Variants in NRG1 observed in about 807,000 individuals in gnomAD.
NRG1 encodes the protein pro-neuregulin-1, membrane-bound isoform.
In NRG1, 18 loss-of-function variants were observed where a neutral mutation model predicts 63.8. The observed-to-expected ratio is 0.28, with a 90% CI of 0.19 to 0.42. NRG1 has a LOEUF of 0.42. NRG1 is among the 10% of genes least tolerant of loss of function. The pLI, the probability that NRG1 is intolerant of heterozygous loss-of-function variation, is 1.00. For synonymous variants in NRG1, 302 were observed against 301.3 expected, an observed-to-expected ratio of 1.00 and a Z score of -0.02; for missense variants, 762 against 814.7, an observed-to-expected ratio of 0.94 and a Z score of 0.79.
chr8:32,416,136 C>G (rs1815878560), intron 1 of NRG1, among the ~76,000 whole-genome samples: 1 of 152,212 alleles, frequency 6.6e-6, no homozygotes, highest in South Asian at 2.1e-4. Flanking sequence ...TATGTTTGCA[C>G]TTTAAGCCTC....
At chr8:31,976,430 A>G (rs1425285114) in intron 1 of NRG1, among the ~76,000 whole-genome samples, 1 of 152,154 alleles carries the variant, frequency 6.6e-6, no homozygotes, top group Non-Finnish European at 1.5e-5. Flanking sequence ...GTTCAGTGAC[A>G]TGGACCCTCA....
intron 1 of NRG1, among the ~76,000 whole-genome samples, chr8:31,879,036 G>T (rs1830145522): frequency 1.3e-5 from 2 of 152,036 alleles, no homozygotes; most frequent in South Asian, 4.1e-4. Context: ...AAAGGAAGTG[G>T]CATCCCATTA....
At chr8:32,192,013 G>C (rs572138329) in intron 1 of NRG1, 20 of 152,430 alleles carry the variant, frequency 1.3e-4, no homozygotes, top group African/African-American at 4.6e-4. Flanking sequence ...GCTCTGGTCT[G>C]TCATAGGTAC....
At chr8:31,714,042 T>C (rs1314423924) in intron 1 of NRG1, among the ~76,000 whole-genome samples, 1 of 488 alleles carries the variant, frequency 2.0e-3, no homozygotes, top group African/African-American at 2.1e-3. Flanking sequence ...CCTCCCAAAG[T>C]GCTGGGATTA....
intron 1 of NRG1, among the ~76,000 whole-genome samples, chr8:32,237,383 A>G (rs2129469438): frequency 6.6e-6 from 1 of 152,274 alleles, no homozygotes; most frequent in South Asian, 2.1e-4. Context: ...AACATAATGA[A>G]AACCAGAGAA....
At chr8:31,972,749 C>G (rs1195156808) in intron 1 of NRG1, among the ~76,000 whole-genome samples, 2 of 152,142 alleles carry the variant, frequency 1.3e-5, no homozygotes, top group African/African-American at 4.8e-5. Context: ...AATGGACTCA[C>G]TCATTCATAC....
intron 1 of NRG1, among the ~76,000 whole-genome samples, chr8:31,806,582 A>G (rs1822309372): frequency 6.6e-6 from 1 of 152,160 alleles, no homozygotes; most frequent in Non-Finnish European, 1.5e-5. Context: ...AACTGCATTT[A>G]TTGCATTGAT....
intron 5 of NRG1, among the ~76,000 whole-genome samples, chr8:32,637,314 T>G (rs1851520850): frequency 6.6e-6 from 1 of 152,144 alleles, no homozygotes; most frequent in African/African-American, 2.4e-5. Context: ...ATATATATTT[T>G]ATTACATTGT....
chr8:31,845,823 T>C (rs79508003), intron 1 of NRG1, among the ~76,000 whole-genome samples: 4 of 152,344 alleles, frequency 2.6e-5, no homozygotes, highest in East Asian at 3.9e-4. Flanking sequence ...GATTTTAATG[T>C]TGAAGTTCTA....
intron 1 of NRG1, among the ~76,000 whole-genome samples, chr8:32,243,633 G>A (rs1198189070): frequency 6.6e-6 from 1 of 152,022 alleles, no homozygotes; most frequent in African/African-American, 2.4e-5. Flanking sequence ...GTCATGCTGA[G>A]GTATGAACCA....
intron 1 of NRG1, among the ~76,000 whole-genome samples, chr8:32,048,211 G>A (rs146634042): frequency 6.6e-6 from 1 of 151,044 alleles, no homozygotes. Context: ...CAGTAAACAC[G>A]GTAAACACGG....
At chr8:32,161,634 C>G (rs1188816970) in intron 1 of NRG1, among the ~76,000 whole-genome samples, 2 of 151,634 alleles carry the variant, frequency 1.3e-5, no homozygotes, top group Non-Finnish European at 2.9e-5. Flanking sequence ...CCCTCCCAAT[C>G]TCAGTGTTTT....
chr8:32,262,979 C>T (rs1047633449), intron 1 of NRG1, among the ~76,000 whole-genome samples: 2 of 152,130 alleles, frequency 1.3e-5, no homozygotes, highest in Non-Finnish European at 2.9e-5. Context: ...TAAGCTTGCA[C>T]GTGGTACCTT....
intron 5 of NRG1, among the ~76,000 whole-genome samples, chr8:32,631,034 G>A (rs1044810893): frequency 4.6e-5 from 7 of 151,998 alleles, no homozygotes; most frequent in Admixed American, 2.0e-4. Flanking sequence ...CAGTAGTATG[G>A]ATTTCTAAAC....
intron 1 of NRG1, among the ~76,000 whole-genome samples, chr8:31,809,185 T>C (rs1342485338): frequency 6.6e-6 from 1 of 151,836 alleles, no homozygotes; most frequent in Non-Finnish European, 1.5e-5. Flanking sequence ...TGAGATATTT[T>C]GGAATTTGCT....
chr8:31,892,183 C>A (rs1831199359), intron 1 of NRG1, among the ~76,000 whole-genome samples: 1 of 152,160 alleles, frequency 6.6e-6, no homozygotes, highest in Non-Finnish European at 1.5e-5. Context: ...TGAATTTACA[C>A]TGATCTCTAA....
rs181923067 is a variant in NRG1, at chr8:32,699,742, T to C, written c.503-28207T>C. 1.3e-3 allele frequency among the ~76,000 whole-genome samples: 205 copies of C among 152,270 alleles called. 1 individual carries two copies. The highest frequency in any genetic ancestry group is 4.7e-3 in the African/African-American group (195 of 41,546). On this transcript the variant is annotated intron_variant, in intron 5 of 11. Transcript: ENST00000356819. ...TTGAGCCATCTTTTCTCTAGAAACATGCTAATATTACAGATGGTTCAAATG... is the reference window on the plus strand; with the variant it reads ...TTGAGCCATCTTTTCTCTAGAAACACGCTAATATTACAGATGGTTCAAATG...
At chr8:32,131,248 GCT>G (rs1294112310) in intron 1 of NRG1, among the ~76,000 whole-genome samples, 20 of 151,932 alleles carry the variant, frequency 1.3e-4, no homozygotes, top group African/African-American at 4.8e-4. Flanking sequence ...ATGCAGTTAT[GCT>G]CTCATTTTCA....
intron 1 of NRG1, among the ~76,000 whole-genome samples, chr8:32,179,113 C>T (rs1841136326): frequency 7.0e-6 from 1 of 142,992 alleles, no homozygotes; most frequent in South Asian, 2.2e-4. Flanking sequence ...ACAAGTTAGG[C>T]AGAGGAATGA....
Sources: gnomAD v4.1 joint callset for allele counts (sites outside exome capture counted in the v4.1 genomes callset) on GRCh38, gnomAD v4.1.1 for gene constraint, MANE v1.5 for transcripts, NCBI Gene and HGNC (gene_info 2026-07-23, HGNC 2026-07-21) for gene names.